Variants in SLC11A2 observed in about 807,000 individuals in gnomAD.
SLC11A2 encodes natural resistance-associated macrophage protein 2.
SLC11A2 carries 38 observed loss-of-function variants against 68.0 expected under a neutral mutation model. The observed-to-expected ratio is 0.56, with a 90% confidence interval of 0.43 to 0.73. SLC11A2 has a LOEUF of 0.73. Among genes scored for constraint, SLC11A2 ranks in the 30% least tolerant of loss-of-function variants. The pLI is 0.00. For missense variants in SLC11A2, 517 were observed against 690.5 expected, an observed-to-expected ratio of 0.75 and a Z score of 2.82; for synonymous variants, 242 against 250.6, an observed-to-expected ratio of 0.97 and a Z score of 0.32.
chr12:50,962,083 G>A, the SLC11A2 span, among the ~76,000 whole-genome samples: 47 of 152,236 alleles, frequency 3.1e-4, no homozygotes, highest in African/African-American at 9.9e-4. Context: ...TATAGATGCC[G>A]TGACAGAAAT....
rs778808942 is a variant in SLC11A2, at chr12:51,008,582, T to A, written c.77A>T (p.Asn26Ile). 1.6e-5 allele frequency: 25 copies of A among 1,612,660 alleles called. 1 individual carries two copies. In the Admixed American group the frequency reaches 2.0e-4, roughly 13 times the overall value. ...GDHGESASLG[N>I]INPAYSNPSL... ...GGGATTACTATAGGCAGGGTTGATG[T>A]TACCAAGACTGGCAGACTCCCCATG... The change falls in exon 3 of 16, where the codon AAC (asparagine) becomes ATC (isoleucine). Residue 26 changes from asparagine (N) to isoleucine (I), a missense_variant. By Grantham distance (149) the Asn-to-Ile change is moderately radical. Transcript: ENST00000262052.
At chr12:51,009,554 T>C (rs1246747766) in intron 2 of SLC11A2, among the ~76,000 whole-genome samples, 2 of 152,210 alleles carry the variant, frequency 1.3e-5, no homozygotes, top group Non-Finnish European at 2.9e-5. Context: ...AGCTGACTCA[T>C]ATCATCTTAA....
chr12:50,984,115 C>G (rs981475023), downstream of SLC11A2, among the ~76,000 whole-genome samples: 10 of 151,448 alleles, frequency 6.6e-5, no homozygotes, highest in Non-Finnish European at 1.2e-4. Flanking sequence ...GGTGACAAAG[C>G]TCGACTCCAT....
intron 1 of SLC11A2, among the ~76,000 whole-genome samples, chr12:51,020,314 C>A (rs1346947270): frequency 6.6e-6 from 1 of 151,172 alleles, no homozygotes; most frequent in East Asian, 1.9e-4. Flanking sequence ...ATTTTTTACA[C>A]TGGAGTAAGT....
intron 1 of SLC11A2, 130 bp from the exon 2 acceptor site, chr12:51,010,896 C>T (rs370462): frequency 0.46 from 216,573 of 472,936 alleles, 54,840 homozygotes; most frequent in Non-Finnish European, 0.54. Context: ...AATTAGGTAA[C>T]CTTGAAAATA....
intron 1 of SLC11A2, chr12:51,025,942 C>T: frequency 1.0e-6 from 1 of 999,318 alleles, no homozygotes; most frequent in Non-Finnish European, 1.2e-6. Context: ...CTGTGCCCGT[C>T]GGCCTCTTTC....
chr12:50,966,257 T>C, the SLC11A2 span, among the ~76,000 whole-genome samples: 1 of 152,192 alleles, frequency 6.6e-6, no homozygotes, highest in African/African-American at 2.4e-5. Flanking sequence ...CACAGGACTC[T>C]TGTCAGGGCT....
chr12:50,981,429 A>G (rs1218911064), downstream of SLC11A2: 2 of 196,716 alleles, frequency 1.0e-5, no homozygotes, highest in Non-Finnish European at 2.1e-5. Context: ...TTACATAAAT[A>G]TATATACATA....
At chr12:51,015,401 G>A (rs1943568938) in intron 1 of SLC11A2, among the ~76,000 whole-genome samples, 1 of 151,262 alleles carries the variant, frequency 6.6e-6, no homozygotes, top group Admixed American at 6.6e-5. Context: ...CTTAAACCTG[G>A]GAGGTGGAGG....
chr12:51,007,016 G>A (rs548137933), intron 3 of SLC11A2, among the ~76,000 whole-genome samples: 1 of 152,100 alleles, frequency 6.6e-6, no homozygotes, highest in Non-Finnish European at 1.5e-5. Flanking sequence ...CCAAAGTGCT[G>A]GGATTACATG....
the SLC11A2 span, among the ~76,000 whole-genome samples, chr12:50,957,937 GGTGTGTGTGTGTGT>G: frequency 5.2e-4 from 69 of 132,406 alleles, no homozygotes; most frequent in Admixed American, 1.2e-3. Flanking sequence ...ATGAATTGGA[GGTGTGTGTGTGTGT>G]GTGTGTGTGT....
At chr12:51,011,553 T>TTG (rs35103550) in intron 1 of SLC11A2, among the ~76,000 whole-genome samples, 2 of 11,628 alleles carry the variant, frequency 1.7e-4, no homozygotes, top group African/African-American at 4.6e-4. Flanking sequence ...TTATGAGTTG[T>TTG]TTTTTTTTGT....
chr12:50,997,414 A>T (rs1258078040), intron 8 of SLC11A2, among the ~76,000 whole-genome samples: 1 of 152,180 alleles, frequency 6.6e-6, no homozygotes. Context: ...TAATTTCTAA[A>T]GAAAGGGCTG....
At chr12:50,971,169 G>A in the SLC11A2 span, among the ~76,000 whole-genome samples, 9 of 150,536 alleles carry the variant, frequency 6.0e-5, no homozygotes, top group South Asian at 2.2e-4. Flanking sequence ...CGTGAGCCAC[G>A]GCGCCGAGCC....
At position 50,987,897 on chromosome 12, in the gene SLC11A2, T is replaced by TA; in HGVS notation, c.*427dup. On this transcript the variant is annotated 3_prime_UTR_variant, in exon 16 of 16. Coordinates refer to ENST00000262052, the MANE Select transcript of SLC11A2 (RefSeq NM_000617.3). ...GGTATAAGGAAAATTTCTCAGCCTTTAAAAATCCATTACATTTTGATAAAT... is the reference window on the plus strand; with the variant it reads ...GGTATAAGGAAAATTTCTCAGCCTTTAAAAAATCCATTACATTTTGATAAAT... 1 of 1,271,930 alleles carries TA rather than the reference T, an allele frequency of 7.9e-7. No homozygotes were observed. Among genetic ancestry groups the TA allele is most frequent in the Non-Finnish European group, 1.0e-6 (1 of 980,312 alleles). 78.8% of individuals were successfully genotyped at this position (1,271,930 alleles called of 1,614,324 possible).
chr12:51,027,265 G>A (rs1254196641), upstream of SLC11A2, among the ~76,000 whole-genome samples: 3 of 152,118 alleles, frequency 2.0e-5, no homozygotes, highest in Non-Finnish European at 4.4e-5. Flanking sequence ...CTTGGGCCTG[G>A]GAGGTGGAGG....
chr12:51,001,692 G>A (rs1282303592), intron 5 of SLC11A2, among the ~76,000 whole-genome samples: 2 of 151,442 alleles, frequency 1.3e-5, no homozygotes, highest in Admixed American at 1.3e-4. Context: ...AAAGTATCCA[G>A]GCATGATGGC....
At chr12:50,980,064 A>G (rs1217485249), downstream of SLC11A2, 1 of 397,834 alleles carries the variant, frequency 2.5e-6, no homozygotes, top group Non-Finnish European at 5.0e-6. Context: ...CGTCTCTACA[A>G]AAAATACAAA....
In SLC11A2 at chr12:51,025,875, C is replaced by G. The variant is rs1010077030; in HGVS notation, c.-39+435G>C. On this transcript the variant is annotated intron_variant, in intron 1 of 15. Coordinates refer to ENST00000262052, the MANE Select transcript of SLC11A2 (RefSeq NM_000617.3). Reference sequence around the variant, plus strand: ...TGTTGAAGCGGGGCGGCGGGAGGCCCCGGAGAGCAGCCCGGCCCCCTGCGG... The same window carrying G: ...TGTTGAAGCGGGGCGGCGGGAGGCCGCGGAGAGCAGCCCGGCCCCCTGCGG... 11 of 988,450 alleles carry G rather than the reference C, an allele frequency of 1.1e-5. No homozygotes were observed. The African/African-American group carries it at 1.6e-4, about 14-fold the overall frequency. 61.2% of individuals were successfully genotyped at this position (988,450 alleles called of 1,614,324 possible).
Sources: allele counts gnomAD v4.1 joint callset (sites outside exome capture counted in the v4.1 genomes callset), GRCh38; gene constraint gnomAD v4.1.1; transcripts MANE v1.5; gene names NCBI Gene and HGNC (gene_info 2026-07-23, HGNC 2026-07-21).